Variants in KHDRBS2 observed in about 807,000 individuals in gnomAD.
KHDRBS2 encodes the protein KH RNA binding domain containing, signal transduction associated 2, also known as KH domain-containing, RNA-binding, signal transduction-associated protein 2.
A neutral mutation model predicts 44.3 loss-of-function variants in KHDRBS2; 26 were observed. That is an observed-to-expected ratio of 0.59 (90% CI 0.43 to 0.81). The LOEUF (loss-of-function observed/expected upper bound fraction) is 0.81, where lower values mean the gene tolerates loss of function less well. KHDRBS2 is among the 40% of genes least tolerant of loss of function. The pLI is 0.00. For synonymous variants in KHDRBS2, 194 were observed against 151.1 expected (o/e 1.28, Z -2.08); for missense variants, 476 against 433.1 (o/e 1.10, Z -0.88).
At chr6:62,012,236 C>G (rs1780435297) in intron 3 of KHDRBS2, among the ~76,000 whole-genome samples, 1 of 152,192 alleles carries the variant, frequency 6.6e-6, no homozygotes, top group Non-Finnish European at 1.5e-5. Flanking sequence ...AACTATACCT[C>G]AGCTATCAGT....
intron 6 of KHDRBS2, among the ~76,000 whole-genome samples, chr6:61,750,330 C>G (rs1302913091): frequency 4.6e-5 from 7 of 152,100 alleles, no homozygotes; most frequent in Non-Finnish European, 1.0e-4. Context: ...TAATTGTGAT[C>G]GTGCTTATAC....
chr6:61,567,926 T>C, the KHDRBS2 span, among the ~76,000 whole-genome samples: 1 of 152,098 alleles, frequency 6.6e-6, no homozygotes, highest in African/African-American at 2.4e-5. Context: ...TTTTTATCTA[T>C]TCAGAATTTT....
chr6:62,073,805 T>C (rs1391037594), intron 2 of KHDRBS2, among the ~76,000 whole-genome samples: 3 of 151,742 alleles, frequency 2.0e-5, no homozygotes, highest in African/African-American at 7.2e-5. Context: ...CTAATAGCTC[T>C]TCACCAAGAT....
intron 3 of KHDRBS2, among the ~76,000 whole-genome samples, chr6:61,993,178 A>G (rs1776463899): frequency 6.6e-6 from 1 of 152,132 alleles, no homozygotes; most frequent in Non-Finnish European, 1.5e-5. Context: ...TAGGCTCCCC[A>G]TAATACTTTA....
At chr6:61,644,798 C>CA in the KHDRBS2 span, among the ~76,000 whole-genome samples, 3,727 of 151,972 alleles carry the variant, frequency 0.025, 70 homozygotes, top group Middle Eastern at 0.089. Context: ...ATTAAAAAGT[C>CA]AAAAAATAAC....
chr6:62,033,656 A>AAT (rs560934437), intron 3 of KHDRBS2, among the ~76,000 whole-genome samples: 81 of 151,194 alleles, frequency 5.4e-4, no homozygotes, highest in African/African-American at 1.9e-3. Flanking sequence ...TTATATATGC[A>AAT]ATATATATAT....
At chr6:61,845,011 T>C (rs1394563965) in intron 6 of KHDRBS2, among the ~76,000 whole-genome samples, 3 of 152,188 alleles carry the variant, frequency 2.0e-5, no homozygotes, top group East Asian at 1.9e-4. Flanking sequence ...AAATATTACA[T>C]GCTTAGAAGG....
At chr6:62,224,366 A>G (rs891193272) in intron 1 of KHDRBS2, among the ~76,000 whole-genome samples, 1 of 152,138 alleles carries the variant, frequency 6.6e-6, no homozygotes, top group African/African-American at 2.4e-5. Flanking sequence ...GAGTAATTCA[A>G]GATAAGATTT....
At chr6:62,147,406 A>G (rs1164228076) in intron 2 of KHDRBS2, among the ~76,000 whole-genome samples, 2 of 151,956 alleles carry the variant, frequency 1.3e-5, no homozygotes, top group Non-Finnish European at 2.9e-5. Flanking sequence ...ATATCTTTTA[A>G]AGAGACAGAG....
chr6:61,919,899 G>A (rs538644664), intron 4 of KHDRBS2, among the ~76,000 whole-genome samples: 1 of 130,848 alleles, frequency 7.6e-6, no homozygotes, highest in African/African-American at 3.0e-5. Context: ...GGCACATGGG[G>A]TAAAAATATC....
intron 6 of KHDRBS2, among the ~76,000 whole-genome samples, chr6:61,879,939 T>A (rs1799973547): frequency 6.6e-6 from 1 of 151,878 alleles, no homozygotes; most frequent in South Asian, 2.1e-4. Context: ...GAGATTGATG[T>A]TTTTAAACAA....
At chr6:61,592,210 AAG>A in the KHDRBS2 span, among the ~76,000 whole-genome samples, 1 of 142,460 alleles carries the variant, frequency 7.0e-6, no homozygotes, top group Admixed American at 7.1e-5. Context: ...AAAAAAAAAA[AAG>A]AGGAAAGAGA....
In KHDRBS2 at chr6:62,084,198, G is replaced by A. The variant is rs574072578; in HGVS notation, c.220-36204C>T. Among the ~76,000 whole-genome samples, 11 of 152,236 alleles carry A rather than the reference G, an allele frequency of 7.2e-5. No homozygotes were observed. The East Asian group carries it at 1.7e-3, about 24-fold the overall frequency. ...TTGTATAATATTGGACTGAAGGAGG[G>A]GGGATGAATTTTGTAAAAGAGAAGA... On this transcript the variant is annotated intron_variant, in intron 2 of 8. Transcript: ENST00000281156.
intron 1 of KHDRBS2, among the ~76,000 whole-genome samples, chr6:62,235,521 C>A (rs184368258): frequency 2.6e-5 from 4 of 152,020 alleles, no homozygotes; most frequent in Admixed American, 2.6e-4. Flanking sequence ...TTATTTATTT[C>A]CTCTGGGATC....
chr6:61,961,821 C>T (rs1768798659), intron 4 of KHDRBS2, among the ~76,000 whole-genome samples: 1 of 152,118 alleles, frequency 6.6e-6, no homozygotes, highest in Non-Finnish European at 1.5e-5. Flanking sequence ...AATTCTATAG[C>T]TTTCACTCAG....
chr6:62,165,293 A>T (rs551073635), intron 2 of KHDRBS2, among the ~76,000 whole-genome samples: 30 of 149,314 alleles, frequency 2.0e-4, no homozygotes, highest in African/African-American at 6.6e-4. Context: ...GCTTAATTTT[A>T]ATTAGACACA....
intron 3 of KHDRBS2, among the ~76,000 whole-genome samples, chr6:62,040,183 AAATAC>A (rs1198780374): frequency 6.6e-6 from 1 of 151,994 alleles, no homozygotes; most frequent in South Asian, 2.1e-4. Context: ...AATAAGTTGT[AAATAC>A]AATACAATAC....
intron 3 of KHDRBS2, among the ~76,000 whole-genome samples, chr6:62,031,646 G>T (rs1562682846): frequency 6.6e-6 from 1 of 152,202 alleles, no homozygotes; most frequent in East Asian, 1.9e-4. Flanking sequence ...CATGGGTAAG[G>T]CTCCTCTGCC....
At chr6:62,084,249 T>C (rs79752165) in intron 2 of KHDRBS2, among the ~76,000 whole-genome samples, 2 of 152,172 alleles carry the variant, frequency 1.3e-5, no homozygotes, top group African/African-American at 4.8e-5. Context: ...GTTTAATGTC[T>C]TCCGTCTTCA....
Sources: allele counts gnomAD v4.1 joint callset (sites outside exome capture counted in the v4.1 genomes callset), GRCh38; gene constraint gnomAD v4.1.1; transcripts MANE v1.5; gene names NCBI Gene and HGNC (gene_info 2026-07-23, HGNC 2026-07-21).